Variants in PLCB4 observed in about 807,000 individuals in gnomAD.
PLCB4 encodes the protein phospholipase C beta 4.
Under a neutral mutation model 178.8 loss-of-function variants are expected in PLCB4, and 77 were observed. That is an observed-to-expected ratio of 0.43 (90% confidence interval 0.36 to 0.52). The LOEUF (loss-of-function observed/expected upper bound fraction) is 0.52, where lower values mean the gene tolerates loss of function less well. PLCB4 is among the 20% of genes least tolerant of loss of function. The pLI, the probability that PLCB4 is intolerant of heterozygous loss-of-function variation, is 0.00. For synonymous variants in PLCB4, 496 were observed against 490.8 expected (o/e 1.01, Z -0.14); for missense variants, 1,024 against 1,453.4 (o/e 0.70, Z 4.80).
At chr20:9,142,787 T>G (rs2092519743) in intron 2 of PLCB4, among the ~76,000 whole-genome samples, 1 of 152,172 alleles carries the variant, frequency 6.6e-6, no homozygotes, top group Non-Finnish European at 1.5e-5. Context: ...GCCCAAATGA[T>G]GCTCTGAAAT....
In PLCB4 at chr20:9,104,325, CT is replaced by C. The variant is rs1421080638; in HGVS notation, c.-79+7985del. The stretch of plus-strand genomic sequence containing the variant: ...AGATAGAAGTAAAAGTTGTCACTTT[CT>C]TAAGGTCTGGACATGGGAACTGGTC... On this transcript the variant is annotated intron_variant, in intron 2 of 39. Transcript: ENST00000378473. Among the ~76,000 whole-genome samples, 15 of 152,250 alleles carry C rather than the reference CT, an allele frequency of 9.9e-5. No individual in the cohort carries two copies. The East Asian group carries it at 2.9e-3, about 29-fold the overall frequency.
chr20:9,237,200 A>G (rs1371603255), intron 3 of PLCB4, among the ~76,000 whole-genome samples: 1 of 152,158 alleles, frequency 6.6e-6, no homozygotes, highest in African/African-American at 2.4e-5. Context: ...GACTTTTCAT[A>G]TGTAGGATAC....
intron 7 of PLCB4, among the ~76,000 whole-genome samples, chr20:9,351,062 G>GCT (rs1282192065): frequency 6.6e-6 from 1 of 152,174 alleles, no homozygotes; most frequent in African/African-American, 2.4e-5. Context: ...CACATATAAA[G>GCT]GGGGTTCTTT....
intron 2 of PLCB4, among the ~76,000 whole-genome samples, chr20:9,101,893 G>C (rs2091170108): frequency 6.7e-6 from 1 of 150,276 alleles, no homozygotes; most frequent in East Asian, 2.0e-4. Context: ...CACCCGGGTT[G>C]GAGTGAAGTG....
At chr20:9,312,415 C>T (rs959971197) in intron 4 of PLCB4, among the ~76,000 whole-genome samples, 4 of 151,144 alleles carry the variant, frequency 2.6e-5, no homozygotes, top group East Asian at 1.9e-4. Context: ...CTCACACACA[C>T]GTGGTGGAGG....
At chr20:9,193,699 C>A (rs1384315835) in intron 2 of PLCB4, among the ~76,000 whole-genome samples, 1 of 151,948 alleles carries the variant, frequency 6.6e-6, no homozygotes, top group African/African-American at 2.4e-5. Flanking sequence ...GGGAGTCATG[C>A]ATCAAGAAAA....
chr20:9,223,422 C>T (rs2093823768), intron 3 of PLCB4, among the ~76,000 whole-genome samples: 1 of 152,188 alleles, frequency 6.6e-6, no homozygotes, highest in Non-Finnish European at 1.5e-5. Flanking sequence ...CTTTTTACCT[C>T]TCAGTTTTTC....
intron 20 of PLCB4, among the ~76,000 whole-genome samples, chr20:9,403,551 C>T (rs2039205173): frequency 1.3e-5 from 2 of 152,206 alleles, no homozygotes; most frequent in South Asian, 4.1e-4. Flanking sequence ...AGAAGAGGTT[C>T]AGAGAAACTC....
intron 2 of PLCB4, among the ~76,000 whole-genome samples, chr20:9,193,453 C>G (rs1157808356): frequency 6.6e-6 from 1 of 152,124 alleles, no homozygotes; most frequent in Non-Finnish European, 1.5e-5. Context: ...CCAGCCTGCC[C>G]CCTGTGTCAG....
intron 4 of PLCB4, among the ~76,000 whole-genome samples, chr20:9,312,648 A>G (rs2094850526): frequency 6.6e-6 from 1 of 152,254 alleles, no homozygotes; most frequent in Admixed American, 6.5e-5. Flanking sequence ...TTCCAAATAC[A>G]ATTTTCAAAA....
chr20:9,476,768 C>G lies in PLCB4; in HGVS notation c.3532+15C>G, dbSNP rs1238457346. Reference sequence around the variant, plus strand: ...CCAAACGCAAGGTAGGACCGAAACTCTGATAAGCAAGACGTTGCTTTCCTT... The same window carrying G: ...CCAAACGCAAGGTAGGACCGAAACTGTGATAAGCAAGACGTTGCTTTCCTT... On this transcript the variant is annotated intron_variant, in intron 39 of 39. Transcript: ENST00000378473. 8 of 1,589,560 alleles carry G rather than the reference C, an allele frequency of 5.0e-6. No homozygotes were observed. The African/African-American group carries it at 9.4e-5, about 19-fold the overall frequency.
Position 9,088,674 on chromosome 20 carries a change from T to C in PLCB4, c.-134-7613T>C, listed in dbSNP as rs567887121. Among the ~76,000 whole-genome samples the C allele has an allele frequency of 1.5e-3, 223 of 152,306 alleles. 4 individuals carry two copies. Among genetic ancestry groups the C allele is most frequent in the South Asian group, 0.013 (64 of 4,820 alleles). On this transcript the variant is annotated intron_variant, in intron 1 of 39. Coordinates refer to ENST00000378473, the MANE Select transcript of PLCB4 (RefSeq NM_001377142.1). ...GTTGCTAATCTGTAAAATTCTTTAC[T>C]GATTTGGTTAAACAATGGGTCACTT...
chr20:9,214,452 T>C (rs550960106), intron 2 of PLCB4, among the ~76,000 whole-genome samples: 12 of 152,102 alleles, frequency 7.9e-5, no homozygotes, highest in Non-Finnish European at 1.5e-4. Context: ...TTGTTTGCAT[T>C]AACACTGATA....
intron 3 of PLCB4, among the ~76,000 whole-genome samples, chr20:9,255,524 GTT>G (rs747482352): frequency 2.3e-5 from 3 of 132,104 alleles, no homozygotes; most frequent in African/African-American, 8.3e-5. Flanking sequence ...TTTGAACTTA[GTT>G]TTTTTTTTTT....
intron 32 of PLCB4, among the ~76,000 whole-genome samples, chr20:9,450,222 T>G (rs2042669213): frequency 6.6e-6 from 1 of 152,226 alleles, no homozygotes; most frequent in Non-Finnish European, 1.5e-5. Context: ...GTTTCATGAT[T>G]TAACTAAGGA....
intron 4 of PLCB4, among the ~76,000 whole-genome samples, chr20:9,311,787 A>G (rs1157059437): frequency 6.6e-6 from 1 of 152,154 alleles, no homozygotes; most frequent in Admixed American, 6.6e-5. Flanking sequence ...AAATCTAAAA[A>G]GAGCTTTATT....
chr20:9,350,358 C>T (rs1464547075), intron 7 of PLCB4, among the ~76,000 whole-genome samples: 1 of 152,084 alleles, frequency 6.6e-6, no homozygotes, highest in South Asian at 2.1e-4. Flanking sequence ...TCATTTAACT[C>T]TCACAAGTCT....
chr20:9,319,513 C>T (rs2094936048), intron 4 of PLCB4, among the ~76,000 whole-genome samples: 1 of 152,100 alleles, frequency 6.6e-6, no homozygotes, highest in Non-Finnish European at 1.5e-5. Flanking sequence ...TATCGTCTGT[C>T]TATAAGCTAG....
In PLCB4 at chr20:9,284,345, C is replaced by T. The variant is rs1421502507; in HGVS notation, c.-15-23455C>T. ...CCTGAGGCAGAATTGCAAGTGGCCT[C>T]TATGAGGTACAGGAGGAAGTCCATG... On this transcript the variant is annotated intron_variant, in intron 3 of 39. Coordinates refer to ENST00000378473, the MANE Select transcript of PLCB4 (RefSeq NM_001377142.1). 3.3e-5 allele frequency among the ~76,000 whole-genome samples: 5 copies of T among 151,772 alleles called. No individual in the cohort carries two copies. In the East Asian group the frequency reaches 5.8e-4, roughly 18 times the overall value.
Sources: allele counts gnomAD v4.1 joint callset (sites outside exome capture counted in the v4.1 genomes callset), GRCh38; gene constraint gnomAD v4.1.1; transcripts MANE v1.5; gene names NCBI Gene and HGNC (gene_info 2026-07-23, HGNC 2026-07-21).